The following ISLR2 variants were observed in gnomAD, a reference collection of about 807,000 sequenced individuals.
ISLR2 encodes immunoglobulin superfamily containing leucine rich repeat 2.
A neutral mutation model predicts 25.5 loss-of-function variants in ISLR2; 16 were observed. The ratio of observed to expected loss-of-function variants is 0.63; its 90% confidence interval spans 0.43 to 0.95. ISLR2 has a LOEUF of 0.95. Ranked by LOEUF, ISLR2 falls within the 40% of genes least tolerant of loss-of-function variation. The pLI, the probability that ISLR2 is intolerant of heterozygous loss-of-function variation, is 0.00. For missense variants in ISLR2, 883 were observed against 1,030.7 expected, an observed-to-expected ratio of 0.86 and a Z score of 1.96; for synonymous variants, 508 against 486.6, an observed-to-expected ratio of 1.04 and a Z score of -0.58.
In ISLR2 at chr15:74,135,742, A is replaced by T. The variant is rs1595952101; in HGVS notation, c.*750A>T. The T allele has an allele frequency of 6.3e-6, 1 of 157,942 alleles. No homozygotes were observed. Among genetic ancestry groups the T allele is most frequent in the Admixed American group, 6.6e-5 (1 of 15,264 alleles). The allele number at this position is 157,942 out of a possible 1,614,324, so 9.8% of individuals were successfully genotyped here. On this transcript the variant is annotated 3_prime_UTR_variant, in exon 3 of 3. Coordinates refer to ENST00000453268, the MANE Select transcript of ISLR2 (RefSeq NM_020851.3). The stretch of plus-strand genomic sequence containing the variant: ...GGTCTGGATCTCTTGACCTCAGGTG[A>T]TCCATCTGCCTCGGCCTCTCAAAGT...
upstream of ISLR2, among the ~76,000 whole-genome samples, chr15:74,124,829 C>G (rs2072280334): frequency 6.6e-6 from 1 of 152,148 alleles, no homozygotes; most frequent in Non-Finnish European, 1.5e-5. Flanking sequence ...CCAGTGACAC[C>G]AAGGCACCAA....
intron 2 of ISLR2, among the ~76,000 whole-genome samples, chr15:74,112,153 A>G (rs1337415248): frequency 6.6e-6 from 1 of 152,188 alleles, no homozygotes; most frequent in African/African-American, 2.4e-5. Flanking sequence ...CAGGTCTGGA[A>G]AAACCTTTGA....
chr15:74,136,722 GC>G lies in ISLR2; in HGVS notation c.*1732del, dbSNP rs1291801321. ...TCCGCGAAGCGCAGCACAAGCGCGG[GC>G]CTGGGACGGAGTAGCCCCCCGGAGC... is the stretch of plus-strand genomic sequence containing the variant. On this transcript the variant is annotated 3_prime_UTR_variant, in exon 3 of 3. Coordinates refer to ENST00000453268, the MANE Select transcript of ISLR2 (RefSeq NM_020851.3). 1 of 167,170 alleles carries G rather than the reference GC, an allele frequency of 6.0e-6. No homozygotes were observed. Among genetic ancestry groups the G allele is most frequent in the African/African-American group, 2.4e-5 (1 of 41,460 alleles). 10.4% of individuals were successfully genotyped at this position (167,170 alleles called of 1,614,324 possible). A position where few individuals can be genotyped will look rare whatever the true frequency, so the allele number is the denominator to read the frequency against.
chr15:74,103,230 C>T (rs1412682483), intron 1 of ISLR2, among the ~76,000 whole-genome samples: 1 of 148,200 alleles, frequency 6.7e-6, no homozygotes, highest in Non-Finnish European at 1.5e-5. Context: ...GTGTTGCTGA[C>T]TCCCTTGTAA....
At chr15:74,107,156 A>T (rs1344684358) in intron 2 of ISLR2, among the ~76,000 whole-genome samples, 2 of 152,144 alleles carry the variant, frequency 1.3e-5, no homozygotes, top group Non-Finnish European at 2.9e-5. Flanking sequence ...CATCCAGGGT[A>T]AAGTGCACTG....
chr15:74,122,823 C>T (rs564198993), intron 2 of ISLR2, among the ~76,000 whole-genome samples: 1 of 152,254 alleles, frequency 6.6e-6, no homozygotes, highest in African/African-American at 2.4e-5. Flanking sequence ...GCGCAGCCCC[C>T]CAACCCCAGG....
At chr15:74,108,380 A>C (rs2072138755) in intron 2 of ISLR2, among the ~76,000 whole-genome samples, 1 of 152,134 alleles carries the variant, frequency 6.6e-6, no homozygotes, top group South Asian at 2.1e-4. Flanking sequence ...CCAGCCAGGA[A>C]TTCTCACGCC....
At chr15:74,139,718 C>A (rs1279461569), downstream of ISLR2, among the ~76,000 whole-genome samples, 1 of 152,242 alleles carries the variant, frequency 6.6e-6, no homozygotes, top group Non-Finnish European at 1.5e-5. Context: ...CCCTCTCTCC[C>A]TGGCTCCAAG....
intron 2 of ISLR2, among the ~76,000 whole-genome samples, chr15:74,113,054 A>C (rs1567154606): frequency 3.3e-5 from 5 of 152,194 alleles, no homozygotes; most frequent in African/African-American, 7.2e-5. Context: ...TATGGTATGA[A>C]ACTGTTCCAC....
intron 2 of ISLR2, among the ~76,000 whole-genome samples, chr15:74,121,579 C>T (rs771010695): frequency 6.6e-6 from 1 of 152,092 alleles, no homozygotes; most frequent in Non-Finnish European, 1.5e-5. Context: ...AAATTGAGCC[C>T]CACAGCACAG....
At chr15:74,128,564 C>T (rs1322250351), upstream of ISLR2, 2 of 456,704 alleles carry the variant, frequency 4.4e-6, no homozygotes, top group East Asian at 1.4e-4. Context: ...TCCTGCAGTC[C>T]AGGGAAGCTC....
At chr15:74,123,807 C>T (rs2072271262), upstream of ISLR2, among the ~76,000 whole-genome samples, 1 of 152,092 alleles carries the variant, frequency 6.6e-6, no homozygotes, top group Non-Finnish European at 1.5e-5. Context: ...GCTTTGGATC[C>T]CAGCACAGGC....
upstream of ISLR2, chr15:74,126,821 C>T (rs1163446073): frequency 6.6e-6 from 1 of 152,148 alleles, no homozygotes; most frequent in African/African-American, 2.4e-5. Context: ...GCCTGGCTTC[C>T]CTGAGGAGTG....
intron 2 of ISLR2, among the ~76,000 whole-genome samples, chr15:74,105,537 C>T (rs1405621018): frequency 1.7e-5 from 2 of 117,702 alleles, no homozygotes; most frequent in East Asian, 2.4e-4. Flanking sequence ...GCAGTCAGCA[C>T]GGATCTGCTC....
chr15:74,106,032 A>G (rs1281737127), intron 2 of ISLR2, among the ~76,000 whole-genome samples: 1 of 152,114 alleles, frequency 6.6e-6, no homozygotes, highest in Non-Finnish European at 1.5e-5. Context: ...GGAGATATTT[A>G]TTAAGATTTA....
chr15:74,121,040 C>G (rs1461279640), intron 2 of ISLR2, among the ~76,000 whole-genome samples: 1 of 152,014 alleles, frequency 6.6e-6, no homozygotes, highest in Non-Finnish European at 1.5e-5. Context: ...CTCTCCTCTC[C>G]CCTGATTCCA....
intron 2 of ISLR2, among the ~76,000 whole-genome samples, chr15:74,113,651 G>T (rs569803937): frequency 2.6e-5 from 4 of 152,142 alleles, no homozygotes; most frequent in African/African-American, 4.8e-5. Flanking sequence ...GAGTGTCAAG[G>T]CTACATTTTA....
chr15:74,111,952 T>C (rs1194666909), intron 2 of ISLR2, among the ~76,000 whole-genome samples: 1 of 152,184 alleles, frequency 6.6e-6, no homozygotes, highest in Non-Finnish European at 1.5e-5. Context: ...GACCTAGACA[T>C]GTGACATTGT....
rs568961550 is a variant in ISLR2 at position 74,133,500 on chromosome 15, C to T, written c.746C>T (p.Pro249Leu). 1.9e-6 allele frequency: 3 copies of T among 1,613,934 alleles called. No homozygotes were observed. The African/African-American group carries it at 4.0e-5, about 22-fold the overall frequency. ...AEPPLEAPGT[P>L]LRAGLAFVLH... is the part of the protein sequence containing the mutation. ...CCACCGCTTGAAGCACCCGGCACCC[C>T]ACTGCGCGCAGGACTGGCGTTCGTG... The change falls in exon 3 of 3, where the codon CCA (proline) becomes CTA (leucine). Residue 249 changes from proline (P) to leucine (L), a missense_variant. Transcript: ENST00000453268.
Sources: allele counts gnomAD v4.1 joint callset (sites outside exome capture counted in the v4.1 genomes callset), GRCh38; gene constraint gnomAD v4.1.1; transcripts MANE v1.5; gene names NCBI Gene and HGNC (gene_info 2026-07-23, HGNC 2026-07-21).